Variants in TCF21 observed in about 807,000 individuals in gnomAD.
TCF21 encodes the protein capsulin.
In TCF21, 3 loss-of-function variants were observed where a neutral mutation model predicts 13.5. That is an observed-to-expected ratio of 0.22 (90% CI 0.10 to 0.57). The LOEUF (loss-of-function observed/expected upper bound fraction) is 0.57, where lower values mean the gene tolerates loss of function less well. TCF21 is among the 20% of genes least tolerant of loss of function. The pLI is 0.92. For missense variants in TCF21, 181 were observed against 238.4 expected (o/e 0.76, Z 1.59); for synonymous variants, 92 against 101.7 (o/e 0.90, Z 0.57).
At position 133,891,769 on chromosome 6, in the gene TCF21, C is replaced by T. The variant is rs763917542; in HGVS notation, c.507C>T (p.Thr169=). ...AGAGTGACCTGAAAGAAGTGGTGAC[C>T]GCGAGCCGCTTATGTGGAACCACCG... is the stretch of plus-strand genomic sequence containing the variant. ...KPESDLKEVV[T]ASRLCGTTAS Residue 169 remains threonine (T), a synonymous_variant, in exon 2 of 2, where the codon ACC becomes ACT. Transcript: ENST00000367882. The T allele has an allele frequency of 6.8e-6, 11 of 1,613,978 alleles. No homozygotes were observed. The highest frequency in any genetic ancestry group is 2.2e-5 in the South Asian group (2 of 91,070).
downstream of TCF21, chr6:133,894,138 A>G (rs574935735): frequency 4.7e-4 from 71 of 152,330 alleles, no homozygotes; most frequent in African/African-American, 1.5e-3. Flanking sequence ...AAAGTGTCTC[A>G]GGCAGGAAGT....
downstream of TCF21, chr6:133,893,438 A>G (rs7766238): frequency 0.9 from 136,777 of 152,268 alleles, 61,467 homozygotes; most frequent in Admixed American, 0.94. Context: ...ATGTCAGGAT[A>G]CCCTTCCATC....
At position 133,891,777 on chromosome 6, in the gene TCF21, G is replaced by A. The variant is rs1375454853; in HGVS notation, c.515G>A (p.Arg172His). 8.7e-6 allele frequency: 14 copies of A among 1,613,866 alleles called. No homozygotes were observed. Among genetic ancestry groups the A allele is most frequent in the African/African-American group, 1.3e-5 (1 of 74,856 alleles). Residue 172 changes from arginine (R) to histidine (H), a missense_variant, in exon 2 of 2, where the codon CGC becomes CAC. Physicochemically the swap from Arg to His is conservative, Grantham distance 29. This residue lies in a region of TCF21 where 55 missense variants were observed against 59.5 expected (regional missense o/e 0.92). Transcript: ENST00000367882. The part of the protein sequence containing the change: ...SDLKEVVTAS[R>H]LCGTTAS ...CTGAAAGAAGTGGTGACCGCGAGCC[G>A]CTTATGTGGAACCACCGCGTCCTGA... is the stretch of plus-strand genomic sequence containing the variant.
intron 1 of TCF21, among the ~76,000 whole-genome samples, chr6:133,891,086 C>T (rs755590202): frequency 1.3e-5 from 2 of 152,182 alleles, no homozygotes; most frequent in African/African-American, 2.4e-5. Flanking sequence ...CTCAGTCCAG[C>T]ATGAAGACGA....
Position 133,889,337 on chromosome 6 carries a change from T to A in TCF21, c.-61T>A. ...TCTCTCTGTCTCTCTCTCACCCTCT[T>A]CCTCGCTTTCTCTGTCTCTCTGTCT... On this transcript the variant is annotated 5_prime_UTR_variant, in exon 1 of 2. Transcript: ENST00000367882. The surrounding 1 kb of genome is among the most constrained non-coding windows in gnomAD (Gnocchi z 5.1). 1.9e-6 allele frequency: 3 copies of A among 1,597,108 alleles called. No individual in the cohort carries two copies. The highest frequency in any genetic ancestry group is 2.6e-6 in the Non-Finnish European group (3 of 1,171,620).
At position 133,889,395 on chromosome 6, in the gene TCF21, A is replaced by G. The variant is rs755444037; in HGVS notation, c.-3A>G. 8 of 1,612,254 alleles carry G rather than the reference A, an allele frequency of 5.0e-6. No individual in the cohort carries two copies. The highest frequency in any genetic ancestry group is 1.1e-5 in the South Asian group (1 of 91,002). ...TCTCTCTCCCTCGTCCACTCCCCCA[A>G]ACATGTCCACCGGCTCCCTCAGCGA... On this transcript the variant is annotated 5_prime_UTR_variant, in exon 1 of 2. Coordinates refer to ENST00000367882, the MANE Select transcript of TCF21 (RefSeq NM_003206.4). The surrounding 1 kb of genome is among the most constrained non-coding windows in gnomAD (Gnocchi z 5.1).
At chr6:133,892,466 A>C (rs979580277), downstream of TCF21, 1 of 152,250 alleles carries the variant, frequency 6.6e-6, no homozygotes, top group Non-Finnish European at 1.5e-5. Flanking sequence ...TTTTAAGGCT[A>C]ATAGAAATTA....
chr6:133,891,984 T>C lies in TCF21; in HGVS notation c.*182T>C. The C allele has an allele frequency of 3.3e-6, 2 of 606,240 alleles. No individual in the cohort carries two copies. The highest frequency in any genetic ancestry group is 5.7e-6 in the Non-Finnish European group (2 of 348,110). The allele number at this position is 606,240 out of a possible 1,614,324, so 37.6% of individuals were successfully genotyped here. ...CGTTTCCAAACCAGAGGAGATCAAT[T>C]GTACTTACAAAGATTCCCATCTATT... On this transcript the variant is annotated 3_prime_UTR_variant, in exon 2 of 2. Coordinates refer to ENST00000367882, the MANE Select transcript of TCF21 (RefSeq NM_003206.4).
Position 133,891,781 on chromosome 6 carries a change from A to C in TCF21, c.519A>C (p.Leu173Phe), listed in dbSNP as rs1304598521. ...DLKEVVTASR[L>F]CGTTAS ...AAGAAGTGGTGACCGCGAGCCGCTT[A>C]TGTGGAACCACCGCGTCCTGACCTT... Residue 173 changes from leucine (L) to phenylalanine (F), a missense_variant, in exon 2 of 2, where the codon TTA becomes TTC. Around this residue, in one of 3 missense-constraint regions of TCF21, gnomAD observed 55 missense variants for 59.5 expected, o/e 0.92. Coordinates refer to ENST00000367882, the MANE Select transcript of TCF21 (RefSeq NM_003206.4). 1 of 1,613,840 alleles carries C rather than the reference A, an allele frequency of 6.2e-7. No homozygotes were observed. The highest frequency in any genetic ancestry group is 2.2e-5 in the East Asian group (1 of 44,858).
chr6:133,891,119 G>A (rs1490472852), intron 1 of TCF21, among the ~76,000 whole-genome samples: 1 of 152,202 alleles, frequency 6.6e-6, no homozygotes, highest in East Asian at 1.9e-4. Flanking sequence ...AGTCAATGTA[G>A]TATAGCATTT....
chr6:133,890,019 C>A (rs900852230), intron 1 of TCF21, among the ~76,000 whole-genome samples, 172 bp downstream of exon 1: 8 of 152,280 alleles, frequency 5.3e-5, no homozygotes, highest in African/African-American at 1.9e-4. Context: ...GGTCTAGACA[C>A]GGCCCTCGCT....
downstream of TCF21, chr6:133,892,628 C>A (rs909418518): frequency 6.6e-6 from 1 of 152,210 alleles, no homozygotes; most frequent in Non-Finnish European, 1.5e-5. Context: ...CCTTTTGTCA[C>A]CTTCCAGGTG....
chr6:133,891,786 G>A lies in TCF21; in HGVS notation c.524G>A (p.Gly175Glu), dbSNP rs1775222779. The A allele has an allele frequency of 6.2e-7, 1 of 1,614,034 alleles. No individual in the cohort carries two copies. The highest frequency in any genetic ancestry group is 8.5e-7 in the Non-Finnish European group (1 of 1,180,004). Residue 175 changes from glycine to glutamate, a missense_variant, in exon 2 of 2, where the codon GGA becomes GAA. This residue lies in a region of TCF21 where 55 missense variants were observed against 59.5 expected (regional missense o/e 0.92). Coordinates refer to ENST00000367882, the MANE Select transcript of TCF21 (RefSeq NM_003206.4). ...GTGGTGACCGCGAGCCGCTTATGTG[G>A]AACCACCGCGTCCTGACCTTGGAGG... is the stretch of plus-strand genomic sequence containing the variant. ...KEVVTASRLCGTTAS is the reference protein window; with the variant it reads ...KEVVTASRLCETTAS
At chr6:133,894,520 C>T (rs1489145484), downstream of TCF21, 1 of 152,368 alleles carries the variant, frequency 6.6e-6, no homozygotes, top group Non-Finnish European at 1.5e-5. Flanking sequence ...AGGAACATGA[C>T]AACGTGACCA....
chr6:133,895,509 T>A (rs1262620968), downstream of TCF21: 1 of 152,226 alleles, frequency 6.6e-6, no homozygotes, highest in South Asian at 2.1e-4. Context: ...AAATCACTTG[T>A]CTTCAGAAAA....
downstream of TCF21, chr6:133,892,658 G>C (rs1009274165): frequency 6.6e-6 from 1 of 152,222 alleles, no homozygotes; most frequent in Non-Finnish European, 1.5e-5. Context: ...CTGCAAACTA[G>C]TGAAGAAATA....
Position 133,889,358 on chromosome 6 carries a change from T to C in TCF21, c.-40T>C. On this transcript the variant is annotated 5_prime_UTR_variant, in exon 1 of 2. Coordinates refer to ENST00000367882, the MANE Select transcript of TCF21 (RefSeq NM_003206.4). This position sits in a 1 kb window ranked among gnomAD's most constrained non-coding sequence, Gnocchi z 5.1. ...CTCTTCCTCGCTTTCTCTGTCTCTC[T>C]GTCTCTCTCTCTCTCTCTCCCTCGT... 4 of 1,550,822 alleles carry C rather than the reference T, an allele frequency of 2.6e-6. No individual in the cohort carries two copies. The highest frequency in any genetic ancestry group is 3.5e-6 in the Non-Finnish European group (4 of 1,132,540).
chr6:133,893,028 G>A (rs573791080), downstream of TCF21: 36 of 152,352 alleles, frequency 2.4e-4, no homozygotes, highest in African/African-American at 8.7e-4. Flanking sequence ...TTAATGTTCG[G>A]GGTTATGACC....
downstream of TCF21, chr6:133,893,623 T>A (rs1562636747): frequency 6.6e-6 from 1 of 152,240 alleles, no homozygotes; most frequent in Non-Finnish European, 1.5e-5. Context: ...TGATTGCCTT[T>A]CACGTTTCGC....
Sources: gnomAD v4.1 joint callset for allele counts (sites outside exome capture counted in the v4.1 genomes callset) on GRCh38, gnomAD v4.1.1 for gene constraint, gnomAD v4.1.1 regional missense constraint, Gnocchi (gnomAD v3.1) non-coding constraint, MANE v1.5 for transcripts, NCBI Gene and HGNC (gene_info 2026-07-23, HGNC 2026-07-21) for gene names.